PTPRG: variants seen among roughly 807,000 people sequenced by gnomAD.
PTPRG encodes receptor-type tyrosine-protein phosphatase gamma.
In PTPRG, 102 loss-of-function variants were observed where a neutral mutation model predicts 165.3. The observed-to-expected ratio is 0.62, with a 90% CI of 0.53 to 0.73. PTPRG has a LOEUF of 0.73. Among genes scored for constraint, PTPRG ranks in the 30% least tolerant of loss-of-function variants. The probability of loss-of-function intolerance (pLI) is 0.00; values close to 1 mark genes in which losing one functional copy is unlikely to be tolerated. For missense variants in PTPRG, 1,866 were observed against 1,861.4 expected (o/e 1.00, Z -0.05); for synonymous variants, 675 against 669.5 (o/e 1.01, Z -0.13).
chr3:62,139,632 T>C (rs1226604195), intron 6 of PTPRG, among the ~76,000 whole-genome samples: 1 of 152,226 alleles, frequency 6.6e-6, no homozygotes, highest in Non-Finnish European at 1.5e-5. Context: ...CTTCTATTAG[T>C]GTCACAAAAT....
intron 3 of PTPRG, among the ~76,000 whole-genome samples, chr3:61,998,759 A>G (rs1228956182): frequency 1.3e-5 from 2 of 152,178 alleles, no homozygotes; most frequent in African/African-American, 4.8e-5. Flanking sequence ...CTTTGATTTC[A>G]TCACAATCTA....
At chr3:61,987,194 G>C (rs1418981368) in intron 2 of PTPRG, among the ~76,000 whole-genome samples, 4 of 152,200 alleles carry the variant, frequency 2.6e-5, no homozygotes, top group African/African-American at 9.7e-5. Context: ...GAAGCATGAA[G>C]TACTCCAAAG....
intron 1 of PTPRG, among the ~76,000 whole-genome samples, chr3:61,725,482 C>T (rs1608147): frequency 0.28 from 42,960 of 152,040 alleles, 6,836 homozygotes; most frequent in East Asian, 0.71. Flanking sequence ...CTCCATTGAA[C>T]TGCCTTTGCA....
chr3:62,032,182 C>A (rs1328276172), intron 4 of PTPRG, among the ~76,000 whole-genome samples: 1 of 152,038 alleles, frequency 6.6e-6, no homozygotes, highest in East Asian at 1.9e-4. Flanking sequence ...TTGGACTAGC[C>A]AGAGAAGTAC....
chr3:62,025,005 A>C (rs544524467), intron 4 of PTPRG, among the ~76,000 whole-genome samples: 1 of 152,290 alleles, frequency 6.6e-6, no homozygotes. Context: ...TTGGCATAAA[A>C]GTTATTTTCC....
At position 62,237,088 on chromosome 3, in the gene PTPRG, G is replaced by T. The variant is rs935668933; in HGVS notation, c.2375+5777G>T. 2.0e-5 allele frequency among the ~76,000 whole-genome samples: 3 copies of T among 151,984 alleles called. No homozygotes were observed. The highest frequency in any genetic ancestry group is 7.3e-5 in the African/African-American group (3 of 41,364). On this transcript the variant is annotated intron_variant, in intron 14 of 29. Transcript: ENST00000474889. The surrounding 1 kb of genome is among the most constrained non-coding windows in gnomAD (Gnocchi z 4.5). ...CAGCACTTTGCTTCTGAAAAATATTGGTCACTAAATTATTTCCAGGTTCTT... is the reference window on the plus strand; with the variant it reads ...CAGCACTTTGCTTCTGAAAAATATTTGTCACTAAATTATTTCCAGGTTCTT...
Position 61,748,973 on chromosome 3 carries a change from G to C in PTPRG, c.181G>C (p.Ala61Pro). 6.2e-7 allele frequency: 1 copy of C among 1,611,000 alleles called. No individual in the cohort carries two copies. Among genetic ancestry groups the C allele is most frequent in the Admixed American group, 1.7e-5 (1 of 59,800 alleles). The change falls in exon 2 of 30, where the codon GCC becomes CCC. Residue 61 changes from alanine (A) to proline (P), a missense_variant. Physicochemically the swap from Ala to Pro is conservative, Grantham distance 27. Coordinates refer to ENST00000474889, the MANE Select transcript of PTPRG (RefSeq NM_002841.4). The part of the protein sequence containing the change: ...RRKASGDPYW[A>P]YSGAYGPEHW... ...CAAGGCTTCAGGCGACCCGTACTGGGCCTACTCTGGTAAGTCCAGTTGTTC... is the reference window on the plus strand; with the variant it reads ...CAAGGCTTCAGGCGACCCGTACTGGCCCTACTCTGGTAAGTCCAGTTGTTC...
intron 8 of PTPRG, among the ~76,000 whole-genome samples, chr3:62,180,533 A>G (rs139661825): frequency 7.5e-4 from 114 of 152,312 alleles, no homozygotes; most frequent in African/African-American, 2.7e-3. Context: ...TGCTCAATTA[A>G]AGTGGGATAG....
intron 1 of PTPRG, among the ~76,000 whole-genome samples, chr3:61,581,068 A>C (rs759845897): frequency 6.6e-6 from 1 of 152,162 alleles, no homozygotes; most frequent in African/African-American, 2.4e-5. Context: ...GTTTTTCTCA[A>C]TGGTATTTTT....
chr3:61,593,786 C>T (rs1332124811), intron 1 of PTPRG, among the ~76,000 whole-genome samples: 1 of 151,586 alleles, frequency 6.6e-6, no homozygotes, highest in Non-Finnish European at 1.5e-5. Flanking sequence ...CTTTAAAGTG[C>T]TTGAAAAGTA....
At chr3:62,110,009 G>A (rs1391636170) in intron 5 of PTPRG, among the ~76,000 whole-genome samples, 1 of 149,876 alleles carries the variant, frequency 6.7e-6, no homozygotes, top group African/African-American at 2.5e-5. Context: ...CTAAATATCA[G>A]CCTTTGCACA....
At chr3:62,063,132 T>C (rs1256100945) in intron 4 of PTPRG, among the ~76,000 whole-genome samples, 2 of 152,244 alleles carry the variant, frequency 1.3e-5, no homozygotes, top group African/African-American at 4.8e-5. Flanking sequence ...GATTTACCCC[T>C]GATCTTAGCA....
At chr3:62,141,737 TAA>T (rs35175964) in intron 6 of PTPRG, among the ~76,000 whole-genome samples, 1,638 of 140,028 alleles carry the variant, frequency 0.012, 33 homozygotes, top group African/African-American at 0.041. Context: ...CTGTCTCTAC[TAA>T]AAAAAAAAAA....
At chr3:61,857,322 C>CCAT (rs2037137690) in intron 2 of PTPRG, among the ~76,000 whole-genome samples, 1 of 152,130 alleles carries the variant, frequency 6.6e-6, no homozygotes, top group Non-Finnish European at 1.5e-5. Flanking sequence ...AATTCATATC[C>CCAT]CATCATAGGA....
chr3:62,246,506 A>G (rs1701291505), intron 15 of PTPRG, among the ~76,000 whole-genome samples: 1 of 152,208 alleles, frequency 6.6e-6, no homozygotes, highest in South Asian at 2.1e-4. Flanking sequence ...TTCACAAAGC[A>G]CTTTTTAAAC....
intron 7 of PTPRG, among the ~76,000 whole-genome samples, chr3:62,160,093 CTTCTACTTCT>C (rs375066410): frequency 2.1e-3 from 326 of 152,338 alleles, no homozygotes; most frequent in African/African-American, 7.4e-3. Context: ...GTCTCTCGTT[CTTCTACTTCT>C]CTACAGTCTC....
chr3:61,672,100 G>T (rs1485227569), intron 1 of PTPRG, among the ~76,000 whole-genome samples: 64 of 149,564 alleles, frequency 4.3e-4, no homozygotes, highest in Non-Finnish European at 8.6e-4. Flanking sequence ...GGGCAGAGGT[G>T]CTCCCCACAT....
chr3:61,659,761 C>G (rs548159187), intron 1 of PTPRG, among the ~76,000 whole-genome samples: 1 of 152,202 alleles, frequency 6.6e-6, no homozygotes, highest in Admixed American at 6.5e-5. Context: ...TTTTCATAAC[C>G]GATTTACCTA....
chr3:62,223,358 C>G (rs537426714), intron 13 of PTPRG, among the ~76,000 whole-genome samples: 1 of 152,314 alleles, frequency 6.6e-6, no homozygotes, highest in African/African-American at 2.4e-5. Flanking sequence ...TTCCTACCAG[C>G]AGTGCTGTCA....
Sources: gnomAD v4.1 joint callset for allele counts (sites outside exome capture counted in the v4.1 genomes callset) on GRCh38, gnomAD v4.1.1 for gene constraint, Gnocchi (gnomAD v3.1) non-coding constraint, MANE v1.5 for transcripts, NCBI Gene and HGNC (gene_info 2026-07-23, HGNC 2026-07-21) for gene names.